The following CACNA1D variants were observed in gnomAD, a reference collection of about 807,000 sequenced individuals.
CACNA1D encodes calcium voltage-gated channel subunit alpha1 D, also known as voltage-dependent L-type calcium channel subunit alpha-1D.
A neutral mutation model predicts 257.1 loss-of-function variants in CACNA1D; 55 were observed. The ratio of observed to expected loss-of-function variants is 0.21; its 90% CI spans 0.17 to 0.27. The LOEUF is 0.27. Ranked by LOEUF, CACNA1D falls within the 10% of genes least tolerant of loss-of-function variation. The probability of loss-of-function intolerance (pLI) is 1.00; values close to 1 mark genes in which losing one functional copy is unlikely to be tolerated. For synonymous variants in CACNA1D, 980 were observed against 1,014.9 expected, an observed-to-expected ratio of 0.97 and a Z score of 0.65; for missense variants, 1,876 against 2,784.0, an observed-to-expected ratio of 0.67 and a Z score of 7.34.
At chr3:53,644,285 A>G (rs1270033361) in intron 3 of CACNA1D, among the ~76,000 whole-genome samples, 1 of 152,242 alleles carries the variant, frequency 6.6e-6, no homozygotes, top group African/African-American at 2.4e-5. Flanking sequence ...AAACTAATTA[A>G]CATATCTATT....
At chr3:53,710,424 G>T (rs757846487) in intron 9 of CACNA1D, 1 of 456,756 alleles carries the variant, frequency 2.2e-6, no homozygotes. Context: ...GCTTAAAGAG[G>T]ATAAGAAGAA....
chr3:53,692,914 T>C (rs548737121), intron 8 of CACNA1D, among the ~76,000 whole-genome samples: 80 of 152,214 alleles, frequency 5.3e-4, no homozygotes, highest in Middle Eastern at 3.4e-3. Context: ...AAAAATTAGC[T>C]GGACATGGTG....
chr3:53,758,086 C>G (rs1313790018), intron 29 of CACNA1D, among the ~76,000 whole-genome samples: 1 of 152,170 alleles, frequency 6.6e-6, no homozygotes, highest in Non-Finnish European at 1.5e-5. Context: ...AGGGATGATC[C>G]TGGAAGTGCA....
chr3:53,525,662 T>C lies in CACNA1D; in HGVS notation c.483+23942T>C, dbSNP rs193108179. 2.4e-4 allele frequency among the ~76,000 whole-genome samples: 36 copies of C among 152,298 alleles called. No homozygotes were observed. In the Middle Eastern group the frequency reaches 0.01, roughly 43 times the overall value. On this transcript the variant is annotated intron_variant, in intron 3 of 47. Coordinates refer to ENST00000350061, the MANE Select transcript of CACNA1D (RefSeq NM_001128840.3). ...GTGACCTATATAATTCCCATATATTTGGAGCTCTCAGGATGTGCCAAGGAT... is the reference window on the plus strand; with the variant it reads ...GTGACCTATATAATTCCCATATATTCGGAGCTCTCAGGATGTGCCAAGGAT...
At chr3:53,804,938 G>C in intron 44 of CACNA1D, 45 bp from the exon 45 acceptor site, 1 of 1,583,286 alleles carries the variant, frequency 6.3e-7, no homozygotes, top group Non-Finnish European at 8.7e-7. Context: ...TTGAGTGACA[G>C]AGCTTGTTAC....
Position 53,515,182 on chromosome 3 carries a change from G to T in CACNA1D, c.483+13462G>T, listed in dbSNP as rs184943408. 1.2e-3 allele frequency among the ~76,000 whole-genome samples: 180 copies of T among 152,260 alleles called. 1 individual carries two copies. The highest frequency in any genetic ancestry group is 4.1e-3 in the African/African-American group (171 of 41,566). ...TCAAAGCTCAGCACACTACCCACAA[G>T]GCTTGGTGGTTTCTTTACGTGTGAC... On this transcript the variant is annotated intron_variant, in intron 3 of 47. Coordinates refer to ENST00000350061, the MANE Select transcript of CACNA1D (RefSeq NM_001128840.3).
chr3:53,517,719 T>C (rs2091399658), intron 3 of CACNA1D, among the ~76,000 whole-genome samples: 1 of 152,142 alleles, frequency 6.6e-6, no homozygotes, highest in Admixed American at 6.6e-5. Context: ...CCTGACCTTG[T>C]GATCCACCCA....
intron 30 of CACNA1D, 112 bp from the exon 31 acceptor site, chr3:53,769,861 T>C (rs964370215): frequency 1.2e-6 from 1 of 845,022 alleles, no homozygotes; most frequent in African/African-American, 1.7e-5. Context: ...AGGGAGCAGG[T>C]GTGGTGTCTA....
intron 3 of CACNA1D, among the ~76,000 whole-genome samples, chr3:53,503,805 T>G (rs1267277235): frequency 6.6e-6 from 1 of 152,100 alleles, no homozygotes; most frequent in East Asian, 1.9e-4. Context: ...GTGTGTTAAT[T>G]TGGTGGGCCT....
intron 3 of CACNA1D, among the ~76,000 whole-genome samples, chr3:53,638,015 T>A (rs547514513): frequency 3.5e-4 from 53 of 152,362 alleles, no homozygotes; most frequent in African/African-American, 1.3e-3. Flanking sequence ...TAGAAAGGTA[T>A]GATCCGTGTT....
intron 3 of CACNA1D, among the ~76,000 whole-genome samples, chr3:53,590,959 G>C (rs1439862786): frequency 2.0e-5 from 3 of 152,180 alleles, no homozygotes; most frequent in African/African-American, 7.2e-5. Flanking sequence ...TGGGCTTTCA[G>C]TAAACATGTT....
chr3:53,609,455 T>C (rs993348327), intron 3 of CACNA1D, among the ~76,000 whole-genome samples: 4 of 148,832 alleles, frequency 2.7e-5, no homozygotes, highest in East Asian at 2.0e-4. Context: ...TAAATAGATA[T>C]AGGACTACTC....
At chr3:53,561,018 A>G (rs2092728699) in intron 3 of CACNA1D, among the ~76,000 whole-genome samples, 1 of 152,252 alleles carries the variant, frequency 6.6e-6, no homozygotes, top group Admixed American at 6.5e-5. Flanking sequence ...GGTAGGGCAC[A>G]GAGAGAGCTC....
At chr3:53,771,226 A>C (rs1281360746) in intron 32 of CACNA1D, among the ~76,000 whole-genome samples, 1 of 152,234 alleles carries the variant, frequency 6.6e-6, no homozygotes, top group Non-Finnish European at 1.5e-5. Flanking sequence ...ATAGATTCTT[A>C]GTAAAAGGTG....
chr3:53,668,515 G>T (rs2094291824), intron 7 of CACNA1D, among the ~76,000 whole-genome samples: 1 of 152,140 alleles, frequency 6.6e-6, no homozygotes, highest in Non-Finnish European at 1.5e-5. Flanking sequence ...CTTTATTCTG[G>T]TGGGGATCTC....
intron 3 of CACNA1D, among the ~76,000 whole-genome samples, chr3:53,574,524 G>T (rs75877434): frequency 0.013 from 1,960 of 152,306 alleles, 32 homozygotes; most frequent in South Asian, 0.036. Flanking sequence ...CTCCCAGATG[G>T]ATGAAAGGCG....
At chr3:53,731,986 C>T in intron 17 of CACNA1D, 30 bp from the exon 18 acceptor site, 2 of 1,429,834 alleles carry the variant, frequency 1.4e-6, no homozygotes. Flanking sequence ...GTCAGTCTCC[C>T]CTCCTCCCAA....
chr3:53,514,531 G>T (rs2091258940), intron 3 of CACNA1D, among the ~76,000 whole-genome samples: 1 of 152,168 alleles, frequency 6.6e-6, no homozygotes, highest in Non-Finnish European at 1.5e-5. Flanking sequence ...ACTGGGTCAA[G>T]CCCTTTCTGC....
At chr3:53,629,678 AG>A (rs1349161170) in intron 3 of CACNA1D, among the ~76,000 whole-genome samples, 5 of 152,084 alleles carry the variant, frequency 3.3e-5, no homozygotes, top group Non-Finnish European at 5.9e-5. Flanking sequence ...TTCTCCCCCC[AG>A]CACACAATGC....
Sources: allele counts gnomAD v4.1 joint callset (sites outside exome capture counted in the v4.1 genomes callset), GRCh38; gene constraint gnomAD v4.1.1; transcripts MANE v1.5; gene names NCBI Gene and HGNC (gene_info 2026-07-23, HGNC 2026-07-21).